Variants in CLPB observed in about 807,000 individuals in gnomAD.
CLPB encodes mitochondrial disaggregase.
CLPB carries 40 observed loss-of-function variants against 78.4 expected under a neutral mutation model. That is an observed-to-expected ratio of 0.51 (90% CI 0.40 to 0.66). CLPB has a LOEUF of 0.66. Among genes scored for constraint, CLPB ranks in the 30% least tolerant of loss-of-function variants. The pLI, the probability that CLPB is intolerant of heterozygous loss-of-function variation, is 0.00. For missense variants in CLPB, 780 were observed against 886.9 expected, an observed-to-expected ratio of 0.88 and a Z score of 1.53; for synonymous variants, 333 against 348.0, an observed-to-expected ratio of 0.96 and a Z score of 0.48.
Position 72,434,124 on chromosome 11 carries a change from G to T in CLPB, c.351C>A (p.Ala117=). ...AATGAACCACCAGCGCTGCGGCCAGGGCGCACATGCCCAGTCCGGCCCTGC... is the reference window on the plus strand; with the variant it reads ...AATGAACCACCAGCGCTGCGGCCAGTGCGCACATGCCCAGTCCGGCCCTGC... ...VPSRAGLGMC[A]LAAALVVHCY... is the part of the protein sequence containing the mutation. The change falls in exon 1 of 16, where the codon GCC becomes GCA. Residue 117 remains alanine (A), a synonymous_variant. Coordinates refer to ENST00000538039, the MANE Select transcript of CLPB (RefSeq NM_001258392.3). The T allele has an allele frequency of 6.2e-7, 1 of 1,612,210 alleles. No homozygotes were observed.
intron 5 of CLPB, chr11:72,356,869 T>G (rs937633147): frequency 6.6e-6 from 1 of 152,300 alleles, no homozygotes; most frequent in Non-Finnish European, 1.5e-5. Flanking sequence ...TGTAAACTAC[T>G]GGACAATAGC....
Position 72,302,301 on chromosome 11 carries a change from C to T in CLPB, c.1167+3G>A, listed in dbSNP as rs537259792. 1.1e-5 allele frequency: 17 copies of T among 1,614,116 alleles called. No individual in the cohort carries two copies. Among genetic ancestry groups the T allele is most frequent in the Admixed American group, 5.0e-5 (3 of 60,026 alleles). On this transcript the variant is annotated splice_donor_region_variant and intron_variant, in intron 10 of 15. Coordinates refer to ENST00000538039, the MANE Select transcript of CLPB (RefSeq NM_001258392.3). ...GCTTCAATCAAGGACTGTCATCACT[C>T]ACCTCGTGTCGCTCCTGGAACTCGG...
intron 7 of CLPB, among the ~76,000 whole-genome samples, chr11:72,314,257 G>A (rs530672046): frequency 6.6e-6 from 1 of 152,212 alleles, no homozygotes; most frequent in Non-Finnish European, 1.5e-5. Flanking sequence ...CTAGGTGGAC[G>A]GAAGCTCGGG....
chr11:72,295,217 C>T (rs1949528808), intron 12 of CLPB, among the ~76,000 whole-genome samples: 1 of 152,214 alleles, frequency 6.6e-6, no homozygotes, highest in Non-Finnish European at 1.5e-5. Context: ...CACTGAGCAG[C>T]TTCTGGCCCC....
intron 6 of CLPB, among the ~76,000 whole-genome samples, chr11:72,325,555 C>T (rs569775768): frequency 6.6e-6 from 1 of 152,222 alleles, no homozygotes; most frequent in East Asian, 1.9e-4. Flanking sequence ...ATTCAGACCA[C>T]TTAAGGTGAC....
chr11:72,386,503 A>G (rs1417131498), intron 3 of CLPB, among the ~76,000 whole-genome samples: 1 of 152,180 alleles, frequency 6.6e-6, no homozygotes, highest in Non-Finnish European at 1.5e-5. Flanking sequence ...CCCACGTACC[A>G]TTTGGTTTGA....
At chr11:72,296,457 CAG>C (rs759399244) in intron 11 of CLPB, among the ~76,000 whole-genome samples, 1 of 152,134 alleles carries the variant, frequency 6.6e-6, no homozygotes. Flanking sequence ...CAGTATAGGG[CAG>C]AGACAGAAGA....
rs1349700742 is a variant in CLPB, at chr11:72,317,172, G to A, written c.922C>T (p.Pro308Ser). ...KREAEERRRFPLEQRLKEHII... is the reference protein window; with the variant it reads ...KREAEERRRFSLEQRLKEHII... The stretch of plus-strand genomic sequence containing the variant: ...TGCTCCTTTAGTCGCTGCTCCAGGG[G>A]GAAGCGGCGCCGCTCCTCAGCCTCA... Residue 308 changes from proline to serine, a missense_variant, in exon 7 of 16, where the codon CCC becomes TCC. By Grantham distance (74) the Pro-to-Ser change is moderately conservative (BLOSUM62 -1). Around this residue, in one of 3 missense-constraint regions of CLPB, gnomAD observed 417 missense variants for 414.7 expected, o/e 1.01. Coordinates refer to ENST00000538039, the MANE Select transcript of CLPB (RefSeq NM_001258392.3). 1.2e-6 allele frequency: 2 copies of A among 1,612,390 alleles called. No homozygotes were observed. Among genetic ancestry groups the A allele is most frequent in the Non-Finnish European group, 1.7e-6 (2 of 1,179,602 alleles).
intron 5 of CLPB, among the ~76,000 whole-genome samples, chr11:72,348,141 G>T (rs1374572440): frequency 6.6e-6 from 1 of 152,210 alleles, no homozygotes; most frequent in Non-Finnish European, 1.5e-5. Flanking sequence ...ACTTGTTACA[G>T]CAGCAATAGG....
intron 2 of CLPB, chr11:72,408,018 C>T: frequency 1.1e-6 from 1 of 919,574 alleles, no homozygotes; most frequent in Non-Finnish European, 1.7e-6. Context: ...TTCATAGGTC[C>T]AATGAGGATC....
At chr11:72,380,546 G>A (rs1242407964) in intron 3 of CLPB, among the ~76,000 whole-genome samples, 162 bp from the exon 4 acceptor site, 1 of 152,162 alleles carries the variant, frequency 6.6e-6, no homozygotes, top group Non-Finnish European at 1.5e-5. Context: ...GACAAGGATA[G>A]GAAAGACAGG....
rs1949425441 is a variant in CLPB, at chr11:72,289,366, A to C, written c.*4001T>G. 6.6e-6 allele frequency: 1 copy of C among 151,598 alleles called. No homozygotes were observed. Among genetic ancestry groups the C allele is most frequent in the Non-Finnish European group, 1.5e-5 (1 of 67,920 alleles). The allele number at this position is 151,598 out of a possible 1,614,324, so 9.4% of individuals were successfully genotyped here. ...CAACGGACTGACAGCCGGGCATAAG[A>C]CCTCTATCTAGTAGGAATACTGCAC... On this transcript the variant is annotated 3_prime_UTR_variant, in exon 16 of 16. Coordinates refer to ENST00000538039, the MANE Select transcript of CLPB (RefSeq NM_001258392.3).
intron 4 of CLPB, among the ~76,000 whole-genome samples, chr11:72,373,354 G>A (rs1428943911): frequency 1.3e-5 from 2 of 152,140 alleles, no homozygotes; most frequent in Non-Finnish European, 2.9e-5. Context: ...CGGCAACCCC[G>A]GCTGGGCGAC....
At chr11:72,395,805 A>G (rs955134664) in intron 3 of CLPB, among the ~76,000 whole-genome samples, 38 of 152,204 alleles carry the variant, frequency 2.5e-4, no homozygotes, top group Non-Finnish European at 2.9e-5. Context: ...AAGCACAGGT[A>G]CACTGGTACT....
intron 2 of CLPB, among the ~76,000 whole-genome samples, chr11:72,417,143 A>G (rs374645239): frequency 6.6e-6 from 1 of 152,258 alleles, no homozygotes; most frequent in Admixed American, 6.5e-5. Flanking sequence ...AGCATTATTC[A>G]TAATAGCTAA....
At chr11:72,296,971 G>A (rs1949562241) in intron 11 of CLPB, among the ~76,000 whole-genome samples, 1 of 152,222 alleles carries the variant, frequency 6.6e-6, no homozygotes, top group Non-Finnish European at 1.5e-5. Flanking sequence ...CCCTTCCTCT[G>A]CACCAGGCTA....
intron 6 of CLPB, among the ~76,000 whole-genome samples, chr11:72,329,268 T>C (rs1167807768): frequency 6.6e-6 from 1 of 152,132 alleles, no homozygotes; most frequent in East Asian, 1.9e-4. Flanking sequence ...GGTGAAGGAA[T>C]AGTTCTAGAA....
At chr11:72,341,271 C>T (rs1950415796) in intron 5 of CLPB, among the ~76,000 whole-genome samples, 1 of 152,136 alleles carries the variant, frequency 6.6e-6, no homozygotes, top group South Asian at 2.1e-4. Context: ...TACCCTACCT[C>T]CTTAATAGAC....
At chr11:72,316,954 T>C (rs1466230097) in intron 7 of CLPB, 152 bp downstream of exon 7, 12 of 506,352 alleles carry the variant, frequency 2.4e-5, no homozygotes, top group Middle Eastern at 3.4e-4. Context: ...ACACATGACA[T>C]GCAGAGAGCT....
Sources: gnomAD v4.1 joint callset for allele counts (sites outside exome capture counted in the v4.1 genomes callset) on GRCh38, gnomAD v4.1.1 for gene constraint, gnomAD v4.1.1 regional missense constraint, MANE v1.5 for transcripts, NCBI Gene and HGNC (gene_info 2026-07-23, HGNC 2026-07-21) for gene names.